Variants in IL1RAPL2 observed in about 807,000 individuals in gnomAD.
The protein encoded by IL1RAPL2 is X-linked interleukin-1 receptor accessory protein-like 2.
A neutral mutation model predicts 44.1 loss-of-function variants in IL1RAPL2; 3 were observed. That is an observed-to-expected ratio of 0.07 (90% CI 0.03 to 0.18). The LOEUF (loss-of-function observed/expected upper bound fraction) is 0.18, where lower values mean the gene tolerates loss of function less well. Ranked by LOEUF, IL1RAPL2 falls within the 10% of genes least tolerant of loss-of-function variation. The pLI, the probability that IL1RAPL2 is intolerant of heterozygous loss-of-function variation, is 1.00. For synonymous variants in IL1RAPL2, 181 were observed against 178.8 expected, an observed-to-expected ratio of 1.01 and a Z score of -0.10; for missense variants, 391 against 496.4, an observed-to-expected ratio of 0.79 and a Z score of 2.02.
chrX:105,535,492 A>T (rs1010979932), intron 6 of IL1RAPL2, among the ~76,000 whole-genome samples: 1 of 112,221 alleles, frequency 8.9e-6, no homozygotes, highest in Admixed American at 9.5e-5. Context: ...AGGTTCACAC[A>T]TAAACACACA....
chrX:105,133,796 G>A (rs963536500), intron 2 of IL1RAPL2, among the ~76,000 whole-genome samples: 1 of 110,170 alleles, frequency 9.1e-6, no homozygotes, highest in African/African-American at 3.3e-5. Flanking sequence ...TCTTGTATAT[G>A]GTAACTAATC....
chrX:104,798,070 G>T, intron 2 of IL1RAPL2, among the ~76,000 whole-genome samples: 1 of 111,654 alleles, frequency 9.0e-6, no homozygotes, highest in Middle Eastern at 4.7e-3. Context: ...GGCAGATCTG[G>T]GATATGAATT....
intron 2 of IL1RAPL2, among the ~76,000 whole-genome samples, chrX:104,682,073 A>G (rs1930898513): frequency 8.9e-6 from 1 of 112,306 alleles, no homozygotes; most frequent in Admixed American, 9.5e-5. Flanking sequence ...CCATGGCATA[A>G]TCTGGGTAAC....
intron 2 of IL1RAPL2, among the ~76,000 whole-genome samples, chrX:104,753,670 C>T (rs191302691): frequency 9.0e-6 from 1 of 111,453 alleles, no homozygotes; most frequent in African/African-American, 3.2e-5. Flanking sequence ...CTAAAGTCTC[C>T]ATTAGGAACA....
At chrX:104,964,757 A>G (rs751786653) in intron 2 of IL1RAPL2, among the ~76,000 whole-genome samples, 1 of 111,661 alleles carries the variant, frequency 9.0e-6, no homozygotes, top group South Asian at 3.8e-4. Flanking sequence ...AGAAACCCTT[A>G]TGATAAAATG....
intron 5 of IL1RAPL2, among the ~76,000 whole-genome samples, chrX:105,296,174 A>G (rs1478694914): frequency 1.8e-5 from 2 of 111,227 alleles, no homozygotes; most frequent in South Asian, 3.9e-4. Context: ...ATTTCCAACT[A>G]TGTTAGCACC....
At chrX:104,953,289 T>G (rs759442545) in intron 2 of IL1RAPL2, among the ~76,000 whole-genome samples, 32 of 111,805 alleles carry the variant, frequency 2.9e-4, no homozygotes, top group Admixed American at 2.5e-3. Context: ...TGAGTACTCT[T>G]ATAGAAGAAA....
At chrX:105,147,485 C>A (rs1210390377) in intron 2 of IL1RAPL2, among the ~76,000 whole-genome samples, 4 of 111,306 alleles carry the variant, frequency 3.6e-5, no homozygotes, top group African/African-American at 6.5e-5. Flanking sequence ...TATTAACAGT[C>A]ATCACCCATT....
At chrX:104,811,919 T>A (rs1414651751) in intron 2 of IL1RAPL2, among the ~76,000 whole-genome samples, 1 of 111,033 alleles carries the variant, frequency 9.0e-6, no homozygotes, top group African/African-American at 3.3e-5. Context: ...TGTGCTCAGA[T>A]ATATTCTTGG....
In IL1RAPL2 at chrX:104,877,094, GT is replaced by G. The variant is rs890565631; in HGVS notation, c.82+218100del. Among the ~76,000 whole-genome samples the G allele has an allele frequency of 2.7e-5, 3 of 110,768 alleles. No homozygotes were observed. The Admixed American group carries it at 2.9e-4, about 11-fold the overall frequency. ...TTATGGCTGCACAGTATTCCATGGT[GT>G]ATATGTGCCACATTTTCTTAATCCA... On this transcript the variant is annotated intron_variant, in intron 2 of 10. Transcript: ENST00000372582.
chrX:104,838,707 C>T (rs1376972827), intron 2 of IL1RAPL2, among the ~76,000 whole-genome samples: 1 of 110,539 alleles, frequency 9.0e-6, no homozygotes, highest in Non-Finnish European at 1.9e-5. Flanking sequence ...TATTCGCATA[C>T]CCTTTATTTC....
At chrX:104,950,457 GAGGC>G (rs1426267397) in intron 2 of IL1RAPL2, among the ~76,000 whole-genome samples, 5 of 112,474 alleles carry the variant, frequency 4.4e-5, no homozygotes, top group Non-Finnish European at 9.4e-5. Flanking sequence ...GGAGCCTACA[GAGGC>G]AGGCAGGCAG....
At chrX:104,752,729 C>T (rs1932280530) in intron 2 of IL1RAPL2, among the ~76,000 whole-genome samples, 1 of 110,787 alleles carries the variant, frequency 9.0e-6, no homozygotes, top group Non-Finnish European at 1.9e-5. Context: ...GGTGCGTTTT[C>T]TTGGTGTAGG....
intron 6 of IL1RAPL2, among the ~76,000 whole-genome samples, chrX:105,549,296 G>A (rs2036832594): frequency 8.9e-6 from 1 of 112,195 alleles, no homozygotes; most frequent in South Asian, 3.7e-4. Context: ...GACCCAATTT[G>A]TTATGAAATT....
intron 2 of IL1RAPL2, among the ~76,000 whole-genome samples, chrX:104,934,568 A>C (rs755197229): frequency 1.1e-4 from 12 of 111,535 alleles, no homozygotes; most frequent in Non-Finnish European, 1.9e-4. Flanking sequence ...ATGAGGGAGA[A>C]GATGATAAAT....
intron 3 of IL1RAPL2, among the ~76,000 whole-genome samples, chrX:105,208,593 T>A (rs1036540254): frequency 9.0e-6 from 1 of 111,307 alleles, no homozygotes; most frequent in African/African-American, 3.3e-5. Context: ...AGAGGGGTAA[T>A]GTATATTTCC....
chrX:105,392,172 A>T (rs1464534467), intron 5 of IL1RAPL2, among the ~76,000 whole-genome samples: 3 of 106,752 alleles, frequency 2.8e-5, no homozygotes, highest in African/African-American at 1.0e-4. Flanking sequence ...AATAAAAAAT[A>T]AAAAAAAAAG....
intron 7 of IL1RAPL2, among the ~76,000 whole-genome samples, chrX:105,721,490 C>T (rs2038304123): frequency 9.0e-6 from 1 of 111,342 alleles, no homozygotes; most frequent in Non-Finnish European, 1.9e-5. Context: ...TTAGTTTTTG[C>T]GTACTATCCC....
intron 6 of IL1RAPL2, among the ~76,000 whole-genome samples, chrX:105,501,492 T>C (rs925287916): frequency 6.3e-5 from 7 of 110,352 alleles, no homozygotes; most frequent in Middle Eastern, 4.6e-3. Flanking sequence ...GGCATGGTAG[T>C]GTGTGCCTGT....
Sources: allele counts gnomAD v4.1 joint callset (sites outside exome capture counted in the v4.1 genomes callset), GRCh38; gene constraint gnomAD v4.1.1; transcripts MANE v1.5; gene names NCBI Gene and HGNC (gene_info 2026-07-23, HGNC 2026-07-21).